MEIS1: variants seen among roughly 807,000 people sequenced by gnomAD.
MEIS1 encodes homeobox protein Meis1.
A neutral mutation model predicts 50.8 loss-of-function variants in MEIS1; 5 were observed. The ratio of observed to expected loss-of-function variants is 0.10; its 90% confidence interval spans 0.05 to 0.21. MEIS1 has a LOEUF of 0.21. MEIS1 is among the 10% of genes least tolerant of loss of function. MEIS1 has a pLI of 1.00. For synonymous variants in MEIS1, 176 were observed against 179.3 expected, an observed-to-expected ratio of 0.98 and a Z score of 0.15; for missense variants, 318 against 517.3, an observed-to-expected ratio of 0.61 and a Z score of 3.74.
At chr2:66,448,184 A>T (rs1205742552) in intron 6 of MEIS1, among the ~76,000 whole-genome samples, 1 of 152,228 alleles carries the variant, frequency 6.6e-6, no homozygotes, top group African/African-American at 2.4e-5. Flanking sequence ...GCTTTCAAAA[A>T]AGTAACTGAA....
At chr2:66,436,039 T>A (rs1671788977) in intron 1 of MEIS1, among the ~76,000 whole-genome samples, 171 bp downstream of exon 1, 1 of 152,156 alleles carries the variant, frequency 6.6e-6, no homozygotes. Flanking sequence ...GACTTATGTA[T>A]GTTACTTGGA....
intron 7 of MEIS1, among the ~76,000 whole-genome samples, chr2:66,476,874 G>A (rs1366219775): frequency 6.6e-6 from 1 of 152,112 alleles, no homozygotes; most frequent in African/African-American, 2.4e-5. Flanking sequence ...GGAAACTTGG[G>A]AGAGATGGAG....
intron 7 of MEIS1, among the ~76,000 whole-genome samples, chr2:66,485,003 A>C (rs901844166): frequency 5.9e-5 from 9 of 152,176 alleles, no homozygotes; most frequent in Non-Finnish European, 1.3e-4. Context: ...TTTGGGGGGA[A>C]GTTTTATGTA....
chr2:66,441,583 T>C (rs1671984237), intron 5 of MEIS1, 119 bp downstream of exon 5: 1 of 797,802 alleles, frequency 1.3e-6, no homozygotes, highest in Non-Finnish European at 1.9e-6. Context: ...TCTTTCTTTC[T>C]GGTAATTAGT....
intron 8 of MEIS1, among the ~76,000 whole-genome samples, chr2:66,538,821 T>C (rs984322836): frequency 1.6e-4 from 24 of 152,298 alleles, no homozygotes; most frequent in African/African-American, 5.5e-4. Context: ...ATTGAAGGCA[T>C]ATTGTAGTGT....
At chr2:66,515,566 A>T (rs558320692) in intron 8 of MEIS1, among the ~76,000 whole-genome samples, 1 of 152,286 alleles carries the variant, frequency 6.6e-6, no homozygotes, top group South Asian at 2.1e-4. Flanking sequence ...GTCTCTAGCA[A>T]GCTAAACTGG....
intron 10 of MEIS1, chr2:66,568,283 T>G (rs1462063138): frequency 1.1e-5 from 2 of 185,804 alleles, no homozygotes; most frequent in African/African-American, 2.4e-5. Context: ...AGGGGTGATG[T>G]GAGTCTTTAC....
intron 7 of MEIS1, among the ~76,000 whole-genome samples, chr2:66,487,380 G>A (rs920355735): frequency 2.0e-5 from 3 of 152,068 alleles, no homozygotes; most frequent in African/African-American, 4.8e-5. Context: ...ACACATATAT[G>A]TATATATTAC....
intron 7 of MEIS1, among the ~76,000 whole-genome samples, chr2:66,482,130 G>A (rs781524767): frequency 2.6e-5 from 4 of 152,096 alleles, no homozygotes; most frequent in Non-Finnish European, 5.9e-5. Flanking sequence ...AAAGTGGTGG[G>A]ATTGCAGGTG....
chr2:66,566,820 A>AT (rs1379328100), intron 9 of MEIS1, among the ~76,000 whole-genome samples: 1 of 150,674 alleles, frequency 6.6e-6, no homozygotes, highest in Non-Finnish European at 1.5e-5. Context: ...CAAAAAAAAA[A>AT]AAAACAACAA....
intron 8 of MEIS1, among the ~76,000 whole-genome samples, chr2:66,530,196 C>CAAAA (rs5831814): frequency 9.8e-5 from 12 of 122,762 alleles, no homozygotes; most frequent in South Asian, 5.2e-4. Flanking sequence ...GTAGGCAAAG[C>CAAAA]AAAAAAAAAA....
chr2:66,500,353 A>G (rs1673521061), intron 7 of MEIS1, among the ~76,000 whole-genome samples: 1 of 152,162 alleles, frequency 6.6e-6, no homozygotes, highest in African/African-American at 2.4e-5. Flanking sequence ...CTACCACATG[A>G]TTTAAATGTA....
At chr2:66,514,641 C>T (rs1442710554) in intron 8 of MEIS1, among the ~76,000 whole-genome samples, 1 of 152,176 alleles carries the variant, frequency 6.6e-6, no homozygotes, top group Admixed American at 6.5e-5. Context: ...ACTCCAATGC[C>T]ATCTGCTCAT....
chr2:66,468,541 A>G (rs1359931071), intron 7 of MEIS1, among the ~76,000 whole-genome samples: 2 of 152,230 alleles, frequency 1.3e-5, no homozygotes, highest in Non-Finnish European at 2.9e-5. Flanking sequence ...GCTCAGAGCG[A>G]TAAGGAGACT....
At chr2:66,544,564 C>T (rs926277707) in intron 8 of MEIS1, among the ~76,000 whole-genome samples, 1 of 152,056 alleles carries the variant, frequency 6.6e-6, no homozygotes, top group Non-Finnish European at 1.5e-5. Flanking sequence ...GTTGTTGATA[C>T]CTTTTTCTCC....
rs182909125 is a variant in MEIS1 at position 66,569,330 on chromosome 2, A to G, written c.*37+185A>G. On this transcript the variant is annotated intron_variant, in intron 12 of 12. Coordinates refer to ENST00000272369, the MANE Select transcript of MEIS1 (RefSeq NM_002398.3). ...GCTTTTAAGCTTATAAATACTGTGTATGATGTACATTTATCCTGTGTGTTG... is the reference window on the plus strand; with the variant it reads ...GCTTTTAAGCTTATAAATACTGTGTGTGATGTACATTTATCCTGTGTGTTG... 23 of 515,438 alleles carry G rather than the reference A, an allele frequency of 4.5e-5. No individual in the cohort carries two copies. In the Admixed American group the frequency reaches 6.2e-4, roughly 14 times the overall value. The allele number at this position is 515,438 out of a possible 1,614,324, so 31.9% of individuals were successfully genotyped here.
intron 12 of MEIS1, 159 bp downstream of exon 12, chr2:66,569,304 A>T: frequency 1.7e-6 from 1 of 592,528 alleles, no homozygotes; most frequent in Non-Finnish European, 2.9e-6. Flanking sequence ...GTTGTGATCA[A>T]GCTTTTAAGC....
chr2:66,446,087 C>T (rs1672136142), intron 6 of MEIS1, among the ~76,000 whole-genome samples: 1 of 152,040 alleles, frequency 6.6e-6, no homozygotes, highest in African/African-American at 2.4e-5. Context: ...CAGCGTGGGG[C>T]GAGGTCCCGG....
chr2:66,440,963 A>G, intron 4 of MEIS1: 2 of 359,868 alleles, frequency 5.6e-6, no homozygotes, highest in Non-Finnish European at 9.9e-6. Flanking sequence ...TCACGAGGGC[A>G]GCCACCGGAC....
Sources: gnomAD v4.1 joint callset for allele counts (sites outside exome capture counted in the v4.1 genomes callset) on GRCh38, gnomAD v4.1.1 for gene constraint, MANE v1.5 for transcripts, NCBI Gene and HGNC (gene_info 2026-07-23, HGNC 2026-07-21) for gene names.